The following PXDNL variants were observed in gnomAD, a reference collection of about 807,000 sequenced individuals.
The protein encoded by PXDNL is probable oxidoreductase PXDNL.
Under a neutral mutation model 150.8 loss-of-function variants are expected in PXDNL, and 145 were observed. The observed-to-expected ratio is 0.96, with a 90% CI of 0.84 to 1.10. The LOEUF is 1.10. Among genes scored for constraint, PXDNL ranks in the 50% least tolerant of loss-of-function variants. The probability of loss-of-function intolerance (pLI) is 0.00; values close to 1 mark genes in which losing one functional copy is unlikely to be tolerated. For missense variants in PXDNL, 2,087 were observed against 1,873.9 expected (o/e 1.11, Z -2.10); for synonymous variants, 757 against 725.7 (o/e 1.04, Z -0.69).
intron 1 of PXDNL, among the ~76,000 whole-genome samples, chr8:51,738,477 C>T (rs1364499068): frequency 6.6e-6 from 1 of 152,118 alleles, no homozygotes; most frequent in Non-Finnish European, 1.5e-5. Flanking sequence ...AATTTGTCCT[C>T]AAATGTCACT....
chr8:51,598,645 T>C (rs545141860), intron 2 of PXDNL, among the ~76,000 whole-genome samples: 2 of 152,236 alleles, frequency 1.3e-5, no homozygotes, highest in African/African-American at 4.8e-5. Context: ...AGTTTGCTAG[T>C]ATTTTGTTGA....
chr8:51,638,715 C>T (rs1364167774), intron 2 of PXDNL, among the ~76,000 whole-genome samples: 3 of 152,096 alleles, frequency 2.0e-5, no homozygotes, highest in Admixed American at 1.3e-4. Context: ...TACTTAGAGA[C>T]CTACAAAGAG....
intron 5 of PXDNL, among the ~76,000 whole-genome samples, chr8:51,499,193 G>A (rs968912043): frequency 2.6e-5 from 4 of 152,128 alleles, no homozygotes; most frequent in African/African-American, 9.7e-5. Context: ...GCAGTGGCAC[G>A]ATCTCGGCTC....
rs566034330 is a variant in PXDNL at position 51,719,739 on chromosome 8, C to T, written c.165-64979G>A. On this transcript the variant is annotated intron_variant, in intron 1 of 22. Coordinates refer to ENST00000356297, the MANE Select transcript of PXDNL (RefSeq NM_144651.5). Reference sequence around the variant, plus strand: ...TATTGAGTTTCCAAAAAGAAAGGAACGAGGATTAATCCAGAAACTCCACAT... The same window carrying T: ...TATTGAGTTTCCAAAAAGAAAGGAATGAGGATTAATCCAGAAACTCCACAT... Among the ~76,000 whole-genome samples, 253 of 151,562 alleles carry T rather than the reference C, an allele frequency of 1.7e-3. 1 individual carries two copies. The highest frequency in any genetic ancestry group is 8.2e-4 in the African/African-American group (34 of 41,282).
At chr8:51,385,429 T>C (rs1161796407) in intron 17 of PXDNL, among the ~76,000 whole-genome samples, 2 of 152,186 alleles carry the variant, frequency 1.3e-5, no homozygotes, top group Admixed American at 1.3e-4. Flanking sequence ...CTGGGGTAAG[T>C]AATCTACAGT....
chr8:51,717,384 G>T (rs951573085), intron 1 of PXDNL, among the ~76,000 whole-genome samples: 2 of 152,168 alleles, frequency 1.3e-5, no homozygotes, highest in Non-Finnish European at 2.9e-5. Flanking sequence ...TTATCCAGTT[G>T]GCCAGCACCA....
intron 3 of PXDNL, among the ~76,000 whole-genome samples, chr8:51,576,136 TAGA>T (rs1469844043): frequency 2.2e-5 from 3 of 138,922 alleles, no homozygotes; most frequent in Admixed American, 1.5e-4. Flanking sequence ...ACCCAAGAAA[TAGA>T]AGAACTCAAT....
chr8:51,530,270 G>A (rs762694632), intron 4 of PXDNL, among the ~76,000 whole-genome samples: 24 of 152,110 alleles, frequency 1.6e-4, no homozygotes, highest in Non-Finnish European at 1.5e-4. Context: ...GGGATCTAGC[G>A]AGTGATTTCT....
At chr8:51,529,997 C>A (rs936693297) in intron 4 of PXDNL, among the ~76,000 whole-genome samples, 1 of 152,184 alleles carries the variant, frequency 6.6e-6, no homozygotes, top group South Asian at 2.1e-4. Flanking sequence ...CCTAGGGAGG[C>A]AACTTCCTCA....
chr8:51,732,383 C>T (rs553046536), intron 1 of PXDNL, among the ~76,000 whole-genome samples: 8 of 152,198 alleles, frequency 5.3e-5, no homozygotes, highest in Admixed American at 5.2e-4. Flanking sequence ...TCAGCCTGGA[C>T]TTTATTTTCC....
chr8:51,599,295 T>A (rs1436794071), intron 2 of PXDNL, among the ~76,000 whole-genome samples: 1 of 152,078 alleles, frequency 6.6e-6, no homozygotes. Flanking sequence ...AGTTTGTTCT[T>A]GTTTTTCTCA....
intron 1 of PXDNL, among the ~76,000 whole-genome samples, chr8:51,771,530 G>A (rs1220587675): frequency 6.6e-6 from 1 of 152,158 alleles, no homozygotes; most frequent in Non-Finnish European, 1.5e-5. Context: ...TCCTTCAGAT[G>A]CCAAAGACCC....
At chr8:51,525,485 C>G (rs1811751535) in intron 4 of PXDNL, among the ~76,000 whole-genome samples, 1 of 152,158 alleles carries the variant, frequency 6.6e-6, no homozygotes. Flanking sequence ...AAACGTGTCT[C>G]CAACTTAATA....
At chr8:51,475,578 T>C (rs1810454825) in intron 6 of PXDNL, among the ~76,000 whole-genome samples, 1 of 152,036 alleles carries the variant, frequency 6.6e-6, no homozygotes. Flanking sequence ...AGCCTGGGCA[T>C]TCTAGCAAGG....
At chr8:51,362,861 A>C (rs1387085738) in intron 19 of PXDNL, among the ~76,000 whole-genome samples, 1 of 152,238 alleles carries the variant, frequency 6.6e-6, no homozygotes, top group Non-Finnish European at 1.5e-5. Context: ...GTATGTGATA[A>C]AATTTGGTAA....
chr8:51,366,824 C>T lies in PXDNL; in HGVS notation c.3901+5049G>A, dbSNP rs562979204. 7.2e-5 allele frequency among the ~76,000 whole-genome samples: 11 copies of T among 151,934 alleles called. No homozygotes were observed. In the South Asian group the frequency reaches 1.0e-3, roughly 14 times the overall value. On this transcript the variant is annotated intron_variant, in intron 19 of 22. Transcript: ENST00000356297. ...TAAGCATAAAAAAATTCAAATAAAC[C>T]GGGTGTGGTGGCTCACACCTGTAAT...
At chr8:51,602,453 GC>G (rs1389536229) in intron 2 of PXDNL, among the ~76,000 whole-genome samples, 3 of 151,600 alleles carry the variant, frequency 2.0e-5, no homozygotes, top group Middle Eastern at 3.5e-3. Flanking sequence ...TCTTTTATCT[GC>G]TTAGTCCACA....
chr8:51,724,018 G>A (rs1816778201), intron 1 of PXDNL, among the ~76,000 whole-genome samples: 1 of 144,442 alleles, frequency 6.9e-6, no homozygotes, highest in South Asian at 2.2e-4. Flanking sequence ...GGAAGGTGCA[G>A]AAAAGGAAAG....
At chr8:51,620,534 T>TA (rs148326796) in intron 2 of PXDNL, among the ~76,000 whole-genome samples, 3,465 of 151,964 alleles carry the variant, frequency 0.023, 119 homozygotes, top group African/African-American at 0.079. Flanking sequence ...GAGACTTTCT[T>TA]ACAACTCAAT....
Sources: allele counts gnomAD v4.1 joint callset (sites outside exome capture counted in the v4.1 genomes callset), GRCh38; gene constraint gnomAD v4.1.1; transcripts MANE v1.5; gene names NCBI Gene and HGNC (gene_info 2026-07-23, HGNC 2026-07-21).